GPC5: variants seen among roughly 807,000 people sequenced by gnomAD.
GPC5 encodes the protein glypican 5.
A neutral mutation model predicts 53.9 loss-of-function variants in GPC5; 47 were observed. The observed-to-expected ratio is 0.87, with a 90% CI of 0.69 to 1.11. The LOEUF is 1.11. Among genes scored for constraint, GPC5 ranks in the 50% most tolerant of loss-of-function variants. The pLI is 0.00. For synonymous variants in GPC5, 286 were observed against 263.3 expected (o/e 1.09, Z -0.84); for missense variants, 748 against 713.1 (o/e 1.05, Z -0.56).
chr13:92,560,030 C>T (rs1173505184), intron 7 of GPC5, among the ~76,000 whole-genome samples: 1 of 151,540 alleles, frequency 6.6e-6, no homozygotes, highest in Non-Finnish European at 1.5e-5. Context: ...CGCTTTTTAG[C>T]AGGGATTCCT....
At chr13:91,465,825 G>T (rs1201990842) in intron 2 of GPC5, among the ~76,000 whole-genome samples, 2 of 152,020 alleles carry the variant, frequency 1.3e-5, no homozygotes, top group Non-Finnish European at 2.9e-5. Context: ...CAATTTAAAT[G>T]CTGCAAATCA....
intron 6 of GPC5, among the ~76,000 whole-genome samples, chr13:91,926,382 T>A (rs945862115): frequency 7.5e-6 from 1 of 132,484 alleles, no homozygotes; most frequent in Non-Finnish European, 1.6e-5. Flanking sequence ...AAAAAAAAAA[T>A]CTATGCAAAG....
chr13:91,405,298 TC>T (rs1877239072), intron 1 of GPC5, among the ~76,000 whole-genome samples: 1 of 152,178 alleles, frequency 6.6e-6, no homozygotes, highest in Non-Finnish European at 1.5e-5. Flanking sequence ...ATCTCTCACC[TC>T]CATCCACTAG....
intron 7 of GPC5, among the ~76,000 whole-genome samples, chr13:92,422,488 T>TCG (rs1491457303): frequency 7.5e-6 from 1 of 133,314 alleles, no homozygotes; most frequent in Non-Finnish European, 1.6e-5. Flanking sequence ...CATCACCATC[T>TCG]CACACACACA....
chr13:91,594,474 G>A lies in GPC5; in HGVS notation c.326-98713G>A, dbSNP rs566788262. On this transcript the variant is annotated intron_variant, in intron 2 of 7. Transcript: ENST00000377067. ...AATAGTATGTCTCTCCTTGAGCTTT[G>A]CAGGTTGGCTTTTAAGCATTGATCT... Among the ~76,000 whole-genome samples, 12 of 152,308 alleles carry A rather than the reference G, an allele frequency of 7.9e-5. No homozygotes were observed. The South Asian group carries it at 2.5e-3, about 32-fold the overall frequency.
At chr13:92,659,879 T>C (rs897104402) in intron 7 of GPC5, among the ~76,000 whole-genome samples, 2 of 152,082 alleles carry the variant, frequency 1.3e-5, no homozygotes, top group African/African-American at 4.8e-5. Context: ...GGAACGAGCA[T>C]GTGCAAAACC....
chr13:92,307,876 T>C (rs2043121208), intron 7 of GPC5, among the ~76,000 whole-genome samples: 1 of 152,246 alleles, frequency 6.6e-6, no homozygotes, highest in Non-Finnish European at 1.5e-5. Flanking sequence ...TTTCTCACTA[T>C]CTAGGCATAA....
chr13:92,732,654 A>G (rs929345690), intron 7 of GPC5, among the ~76,000 whole-genome samples: 4 of 151,750 alleles, frequency 2.6e-5, no homozygotes, highest in Non-Finnish European at 5.9e-5. Context: ...AAGTAATGTC[A>G]GATCCAGACA....
At chr13:91,878,311 T>C (rs1210529169) in intron 5 of GPC5, among the ~76,000 whole-genome samples, 2 of 152,220 alleles carry the variant, frequency 1.3e-5, no homozygotes, top group Non-Finnish European at 2.9e-5. Flanking sequence ...TTCATATTTA[T>C]GATTGAGAAA....
intron 7 of GPC5, among the ~76,000 whole-genome samples, chr13:92,586,130 C>T (rs1472229703): frequency 6.6e-6 from 1 of 152,106 alleles, no homozygotes; most frequent in African/African-American, 2.4e-5. Flanking sequence ...ACGGATTAGT[C>T]GTGTCTGCTT....
chr13:92,237,112 G>A, intron 7 of GPC5, among the ~76,000 whole-genome samples: 1 of 152,104 alleles, frequency 6.6e-6, no homozygotes, highest in South Asian at 2.1e-4. Flanking sequence ...AAACTCTCTT[G>A]AGCTTTTGCA....
chr13:91,834,331 T>G (rs1327474417), intron 5 of GPC5, among the ~76,000 whole-genome samples: 1 of 152,148 alleles, frequency 6.6e-6, no homozygotes, highest in Non-Finnish European at 1.5e-5. Context: ...CAAAGTAATT[T>G]ATAGATTCAA....
chr13:92,624,449 C>A (rs996827184), intron 7 of GPC5, among the ~76,000 whole-genome samples: 2 of 152,156 alleles, frequency 1.3e-5, no homozygotes, highest in African/African-American at 4.8e-5. Context: ...ACGTTTACTT[C>A]TGCCATGTCC....
intron 2 of GPC5, among the ~76,000 whole-genome samples, chr13:91,594,404 A>G (rs953887714): frequency 9.2e-5 from 14 of 152,182 alleles, no homozygotes; most frequent in Admixed American, 6.5e-5. Context: ...CCTTTGATAG[A>G]AAACAGAAAT....
chr13:91,648,281 A>G (rs2034610135), intron 2 of GPC5, among the ~76,000 whole-genome samples: 1 of 152,190 alleles, frequency 6.6e-6, no homozygotes, highest in African/African-American at 2.4e-5. Context: ...TTGGGCATAA[A>G]GATTTATTGG....
At chr13:91,491,421 T>C (rs1437838809) in intron 2 of GPC5, among the ~76,000 whole-genome samples, 1 of 152,218 alleles carries the variant, frequency 6.6e-6, no homozygotes, top group Non-Finnish European at 1.5e-5. Flanking sequence ...ACTTTTATAT[T>C]CTAGAACCAC....
intron 2 of GPC5, among the ~76,000 whole-genome samples, chr13:91,668,835 A>G (rs2139663358): frequency 1.3e-5 from 2 of 152,310 alleles, no homozygotes; most frequent in South Asian, 4.1e-4. Context: ...ATATAACTTA[A>G]TCATTGTTCT....
intron 2 of GPC5, among the ~76,000 whole-genome samples, chr13:91,480,496 C>T (rs376407424): frequency 2.0e-4 from 31 of 152,294 alleles, no homozygotes; most frequent in African/African-American, 6.5e-4. Flanking sequence ...CCAAATCCAG[C>T]GTGACTATCC....
chr13:92,223,621 T>G (rs896079908), intron 7 of GPC5, among the ~76,000 whole-genome samples: 5 of 150,906 alleles, frequency 3.3e-5, no homozygotes, highest in Non-Finnish European at 7.4e-5. Context: ...CCTCATTGAT[T>G]TTTTTTTTTC....
Sources: gnomAD v4.1 joint callset for allele counts (sites outside exome capture counted in the v4.1 genomes callset) on GRCh38, gnomAD v4.1.1 for gene constraint, MANE v1.5 for transcripts, NCBI Gene and HGNC (gene_info 2026-07-23, HGNC 2026-07-21) for gene names.